MFGE8: variants seen among roughly 807,000 people sequenced by gnomAD.
The protein encoded by MFGE8 is lactadherin.
Under a neutral mutation model 42.6 loss-of-function variants are expected in MFGE8, and 34 were observed. The ratio of observed to expected loss-of-function variants is 0.80; its 90% CI spans 0.61 to 1.06. The LOEUF (loss-of-function observed/expected upper bound fraction) is 1.06, where lower values mean the gene tolerates loss of function less well. Ranked by LOEUF, MFGE8 falls within the 50% of genes least tolerant of loss-of-function variation. The probability of loss-of-function intolerance (pLI) is 0.00; values close to 1 mark genes in which losing one functional copy is unlikely to be tolerated. For synonymous variants in MFGE8, 230 were observed against 214.8 expected (o/e 1.07, Z -0.62); for missense variants, 510 against 516.9 (o/e 0.99, Z 0.13).
At position 88,899,369 on chromosome 15, in the gene MFGE8, G is replaced by GA; in HGVS notation, c.*25dup. The GA allele has an allele frequency of 6.2e-7, 1 of 1,613,576 alleles. No individual in the cohort carries two copies. Among genetic ancestry groups the GA allele is most frequent in the East Asian group, 2.2e-5 (1 of 44,884 alleles). ...GAGGCAGCGGGCCCATGGAAAGCAG[G>GA]AAGACCTGGGGGTGGCAGGTGGCCA... On this transcript the variant is annotated 3_prime_UTR_variant, in exon 8 of 8. Transcript: ENST00000268150. This position sits in a 1 kb window ranked among gnomAD's most constrained non-coding sequence, Gnocchi z 6.8.
Position 88,901,621 on chromosome 15 carries a change from G to C in MFGE8, c.800C>G (p.Ala267Gly). The change falls in exon 6 of 8, where the codon GCA becomes GGA. Residue 267 changes from alanine to glycine, a missense_variant. Ala to Gly is a moderately conservative substitution (Grantham distance 60). Transcript: ENST00000268150. The part of the protein sequence containing the change: ...LHLFSWNPSY[A>G]RLDKQGNFNA... ...GAAGTTGCCCTGCTTGTCCAGCCGTGCATAGGAGGGGTTCCAGCTGAAGAG... is the reference window on the plus strand; with the variant it reads ...GAAGTTGCCCTGCTTGTCCAGCCGTCCATAGGAGGGGTTCCAGCTGAAGAG... 6.2e-7 allele frequency: 1 copy of C among 1,613,880 alleles called. No individual in the cohort carries two copies. Among genetic ancestry groups the C allele is most frequent in the Non-Finnish European group, 8.5e-7 (1 of 1,179,984 alleles).
rs200583414 is a variant in MFGE8 at position 88,905,933 on chromosome 15, G to A, written c.541-32C>T. On this transcript the variant is annotated intron_variant, in intron 4 of 7. Transcript: ENST00000268150. This position sits in a 1 kb window ranked among gnomAD's most constrained non-coding sequence, Gnocchi z 6.6. Reference sequence around the variant, plus strand: ...GGGAAGGGACAAGACTGGAGAAGGGGGTCCATCTGAGCAGTCCCCCTCCCT... The same window carrying A: ...GGGAAGGGACAAGACTGGAGAAGGGAGTCCATCTGAGCAGTCCCCCTCCCT... 4.3e-6 allele frequency: 7 copies of A among 1,613,888 alleles called. No individual in the cohort carries two copies. The East Asian group carries it at 1.3e-4, about 31-fold the overall frequency.
chr15:88,901,247 ACGCACG>A, intron 6 of MFGE8, among the ~76,000 whole-genome samples: 2 of 50,976 alleles, frequency 3.9e-5, no homozygotes, highest in Non-Finnish European at 1.3e-4. Flanking sequence ...ACACATTCAC[ACGCACG>A]CATTCACACG....
chr15:88,909,880 C>G lies in MFGE8; in HGVS notation c.117G>C (p.Glu39Asp). Residue 39 changes from glutamate to aspartate, a missense_variant, in exon 2 of 8, where the codon GAG becomes GAC. Physicochemically the swap from Glu to Asp is conservative, Grantham distance 45 (BLOSUM62 2). Coordinates refer to ENST00000268150, the MANE Select transcript of MFGE8 (RefSeq NM_005928.4). ...KNPCHNGGLC[E>D]EISQEVRGDV... ...CTCCTCGCACTTCTTGGGAAATCTC[C>G]TCGCATAAACCACCGTTGTGGCAGG... 2 of 1,614,238 alleles carry G rather than the reference C, an allele frequency of 1.2e-6. No individual in the cohort carries two copies. Among genetic ancestry groups the G allele is most frequent in the Non-Finnish European group, 1.7e-6 (2 of 1,180,040 alleles).
chr15:88,906,380 C>T lies in MFGE8; in HGVS notation c.540+246G>A. On this transcript the variant is annotated intron_variant, in intron 4 of 7. Transcript: ENST00000268150. This position sits in a 1 kb window ranked among gnomAD's most constrained non-coding sequence, Gnocchi z 4.2. ...ACCCAGCTCCACCACCACTATCACC[C>T]TCAACAGGTCACTGTGCCATTTTGA... is the stretch of plus-strand genomic sequence containing the variant. 1 of 530,982 alleles carries T rather than the reference C, an allele frequency of 1.9e-6. No individual in the cohort carries two copies. Among genetic ancestry groups the T allele is most frequent in the Non-Finnish European group, 3.4e-6 (1 of 291,006 alleles). The allele number at this position is 530,982 out of a possible 1,614,324, so 32.9% of individuals were successfully genotyped here.
In MFGE8 at chr15:88,902,071, G is replaced by T. The variant is rs1898461363; in HGVS notation, c.686-336C>A. The T allele has an allele frequency of 2.6e-6, 1 of 378,630 alleles. No homozygotes were observed. Among genetic ancestry groups the T allele is most frequent in the African/African-American group, 2.1e-5 (1 of 47,926 alleles). 23.5% of individuals were successfully genotyped at this position (378,630 alleles called of 1,614,324 possible). A position where few individuals can be genotyped will look rare whatever the true frequency, so the allele number is the denominator to read the frequency against. ...CTGACTTTGGAGACACCTCCTCCAA[G>T]AAGTCTGCCCTGACTACTTCACTTG... On this transcript the variant is annotated intron_variant, in intron 5 of 7. Coordinates refer to ENST00000268150, the MANE Select transcript of MFGE8 (RefSeq NM_005928.4). This position sits in a 1 kb window ranked among gnomAD's most constrained non-coding sequence, Gnocchi z 4.3.
chr15:88,901,614 C>T lies in MFGE8; in HGVS notation c.807G>A (p.Leu269=), dbSNP rs758893563. 10 of 1,613,916 alleles carry T rather than the reference C, an allele frequency of 6.2e-6. No individual in the cohort carries two copies. The highest frequency in any genetic ancestry group is 3.3e-4 in the Middle Eastern group (2 of 6,060). The change falls in exon 6 of 8, where the codon CTG becomes CTA. Residue 269 remains leucine (L), a synonymous_variant. Transcript: ENST00000268150. ...LFSWNPSYAR[L]DKQGNFNAWV... ...AGGCGTTGAAGTTGCCCTGCTTGTCCAGCCGTGCATAGGAGGGGTTCCAGC... is the reference window on the plus strand; with the variant it reads ...AGGCGTTGAAGTTGCCCTGCTTGTCTAGCCGTGCATAGGAGGGGTTCCAGC...
intron 1 of MFGE8, 98 bp downstream of exon 1, chr15:88,913,149 A>T (rs1899047395): frequency 6.3e-6 from 9 of 1,434,432 alleles, no homozygotes; most frequent in Non-Finnish European, 8.2e-6. Context: ...GCTTTGTCTA[A>T]GTTTGTCAAC....
intron 6 of MFGE8, among the ~76,000 whole-genome samples, chr15:88,900,463 G>A (rs112167434): frequency 1.2e-4 from 18 of 152,160 alleles, no homozygotes; most frequent in African/African-American, 4.1e-4. Flanking sequence ...GGCTCCCTGC[G>A]GCGCCGCCCA....
At chr15:88,907,751 T>A (rs576935350) in intron 2 of MFGE8, among the ~76,000 whole-genome samples, 1 of 151,366 alleles carries the variant, frequency 6.6e-6, no homozygotes, top group African/African-American at 2.4e-5. Context: ...ATATAGGGCA[T>A]CTGGCAGCAA....
chr15:88,911,882 C>A (rs1172044283), intron 1 of MFGE8, among the ~76,000 whole-genome samples: 2 of 152,226 alleles, frequency 1.3e-5, no homozygotes, highest in Non-Finnish European at 2.9e-5. Flanking sequence ...AGAGCTCCCC[C>A]TCCAGGGGCC....
At chr15:88,909,656 C>G (rs1898863472) in intron 2 of MFGE8, 136 bp downstream of exon 2, 5 of 1,287,968 alleles carry the variant, frequency 3.9e-6, no homozygotes, top group African/African-American at 2.9e-5. Flanking sequence ...CTGAGTCTCC[C>G]CAGAGGAGGC....
At chr15:88,907,169 C>T (rs781274188) in intron 3 of MFGE8, 26 bp downstream of exon 3, 13 of 1,603,912 alleles carry the variant, frequency 8.1e-6, no homozygotes, top group Admixed American at 5.1e-5. Context: ...TCCATTGCCC[C>T]GCCCCAGGGC....
Position 88,906,732 on chromosome 15 carries a change from C to G in MFGE8, c.434G>C (p.Gly145Ala), listed in dbSNP as rs200190766. Residue 145 changes from glycine to alanine, a missense_variant, in exon 4 of 8, where the codon GGT becomes GCT. Coordinates refer to ENST00000268150, the MANE Select transcript of MFGE8 (RefSeq NM_005928.4). This position sits in a 1 kb window ranked among gnomAD's most constrained non-coding sequence, Gnocchi z 4.2. ...CTCATGACTGGCCAAGCGGCTGGCA[C>G]CCTGCGTCACCACACCTGTTACCCA... Reference protein sequence around the residue: ...RMWVTGVVTQGASRLASHEYL... With the variant: ...RMWVTGVVTQAASRLASHEYL... The G allele has an allele frequency of 1.2e-6, 2 of 1,613,666 alleles. No individual in the cohort carries two copies. The highest frequency in any genetic ancestry group is 2.7e-5 in the African/African-American group (2 of 75,016).
chr15:88,900,353 C>G (rs1462483782), intron 6 of MFGE8, among the ~76,000 whole-genome samples: 1 of 152,134 alleles, frequency 6.6e-6, no homozygotes, highest in East Asian at 1.9e-4. Flanking sequence ...GGGCCCTGGC[C>G]AACTCCACGC....
At chr15:88,909,019 C>T (rs552818253) in intron 2 of MFGE8, among the ~76,000 whole-genome samples, 2 of 152,278 alleles carry the variant, frequency 1.3e-5, no homozygotes, top group South Asian at 4.1e-4. Flanking sequence ...GATTCAGAAA[C>T]CTAGGACCCC....
At chr15:88,912,746 C>T in intron 1 of MFGE8, 2 of 985,426 alleles carry the variant, frequency 2.0e-6, no homozygotes, top group Non-Finnish European at 1.2e-6. Flanking sequence ...ACCGACTCCC[C>T]GGCCCTTCCC....
In MFGE8 at chr15:88,906,346, C is replaced by T; in HGVS notation, c.540+280G>A. ...AACTGTACATGTACCCATGAAGGCT[C>T]AGAATGAAACCCAGCTCCACCACCA... On this transcript the variant is annotated intron_variant, in intron 4 of 7. Transcript: ENST00000268150. This position sits in a 1 kb window ranked among gnomAD's most constrained non-coding sequence, Gnocchi z 4.2. 2.0e-6 allele frequency: 1 copy of T among 493,118 alleles called. No homozygotes were observed. Among genetic ancestry groups the T allele is most frequent in the African/African-American group, 1.9e-5 (1 of 51,430 alleles). 30.5% of individuals were successfully genotyped at this position (493,118 alleles called of 1,614,324 possible). A position where few individuals can be genotyped will look rare whatever the true frequency, so the allele number is the denominator to read the frequency against.
At position 88,899,105 on chromosome 15, in the gene MFGE8, G is replaced by A. The variant is rs1221738220; in HGVS notation, c.*290C>T. 17 of 498,500 alleles carry A rather than the reference G, an allele frequency of 3.4e-5. No individual in the cohort carries two copies. Among genetic ancestry groups the A allele is most frequent in the Middle Eastern group, 5.5e-4 (1 of 1,808 alleles). The allele number at this position is 498,500 out of a possible 1,614,324, so 30.9% of individuals were successfully genotyped here. A position where few individuals can be genotyped will look rare whatever the true frequency, so the allele number is the denominator to read the frequency against. On this transcript the variant is annotated 3_prime_UTR_variant, in exon 8 of 8. Transcript: ENST00000268150. This position sits in a 1 kb window ranked among gnomAD's most constrained non-coding sequence, Gnocchi z 6.8. ...CCGGACAGGGGCAGGGAAACCACAC[G>A]CCCTACTTTGCCCTTTCCTGTCCAT...
Sources: allele counts gnomAD v4.1 joint callset (sites outside exome capture counted in the v4.1 genomes callset), GRCh38; gene constraint gnomAD v4.1.1; non-coding constraint Gnocchi (gnomAD v3.1); transcripts MANE v1.5; gene names NCBI Gene and HGNC (gene_info 2026-07-23, HGNC 2026-07-21).